TMCO5A: variants seen among roughly 807,000 people sequenced by gnomAD.
The protein encoded by TMCO5A is transmembrane and coiled-coil domain-containing protein 5A.
Under a neutral mutation model 42.3 loss-of-function variants are expected in TMCO5A, and 34 were observed. The observed-to-expected ratio is 0.80, with a 90% CI of 0.61 to 1.07. The LOEUF is 1.07. TMCO5A is among the 50% of genes least tolerant of loss of function. TMCO5A has a pLI of 0.00. For synonymous variants in TMCO5A, 131 were observed against 115.6 expected (o/e 1.13, Z -0.86); for missense variants, 357 against 327.9 (o/e 1.09, Z -0.69).
the TMCO5A span, among the ~76,000 whole-genome samples, chr15:38,022,712 T>C: frequency 7.9e-5 from 12 of 152,202 alleles, no homozygotes; most frequent in South Asian, 2.3e-3. Flanking sequence ...ATGTACCACT[T>C]TGGTGGGAGA....
At chr15:38,033,219 C>G in the TMCO5A span, among the ~76,000 whole-genome samples, 2 of 152,204 alleles carry the variant, frequency 1.3e-5, no homozygotes, top group African/African-American at 4.8e-5. Flanking sequence ...TGCACTCTCT[C>G]TTTCCTTAGG....
chr15:38,031,998 C>G, the TMCO5A span, among the ~76,000 whole-genome samples: 1 of 151,820 alleles, frequency 6.6e-6, no homozygotes, highest in Admixed American at 6.6e-5. Context: ...TTTCGTCGCC[C>G]AGGCTGGAGT....
chr15:37,977,707 C>T, the TMCO5A span, among the ~76,000 whole-genome samples: 5 of 152,206 alleles, frequency 3.3e-5, no homozygotes, highest in Non-Finnish European at 5.9e-5. Context: ...TTGGGGCAAG[C>T]TCAGCCTTTA....
At chr15:37,938,263 G>T in intron 6 of TMCO5A, 34 bp downstream of exon 6, 2 of 1,513,316 alleles carry the variant, frequency 1.3e-6, no homozygotes, top group South Asian at 2.4e-5. Context: ...ATGTGGTTGG[G>T]CTATGTAACC....
At chr15:37,938,385 GC>G (rs1889607062) in intron 6 of TMCO5A, among the ~76,000 whole-genome samples, 156 bp downstream of exon 6, 1 of 151,984 alleles carries the variant, frequency 6.6e-6, no homozygotes, top group Non-Finnish European at 1.5e-5. Flanking sequence ...ATTCTTCTCT[GC>G]CCTTAGGTAA....
the TMCO5A span, chr15:38,025,162 G>T: frequency 0.014 from 2,122 of 147,656 alleles, 134 homozygotes; most frequent in Middle Eastern, 0.06. Flanking sequence ...ACAGCTTTTG[G>T]GTGTGTGTGT....
chr15:38,017,395 T>C, the TMCO5A span, among the ~76,000 whole-genome samples: 4 of 152,092 alleles, frequency 2.6e-5, no homozygotes, highest in African/African-American at 9.6e-5. Flanking sequence ...CTTAGAAATA[T>C]GGCAGGAGCT....
At chr15:37,972,982 ATCT>A in the TMCO5A span, among the ~76,000 whole-genome samples, 1 of 152,108 alleles carries the variant, frequency 6.6e-6, no homozygotes, top group South Asian at 2.1e-4. Flanking sequence ...TTCAGTTTTA[ATCT>A]TCTTCACAGG....
chr15:37,968,512 G>T (rs558468859), downstream of TMCO5A, among the ~76,000 whole-genome samples: 1 of 151,960 alleles, frequency 6.6e-6, no homozygotes, highest in Non-Finnish European at 1.5e-5. Flanking sequence ...TCGTTTCTAC[G>T]GTCAAACCTG....
chr15:37,941,343 A>T, intron 7 of TMCO5A, 138 bp downstream of exon 7: 2 of 854,818 alleles, frequency 2.3e-6, no homozygotes, highest in South Asian at 1.6e-5. Flanking sequence ...AGGGGTAAAG[A>T]AAAGGAAGAT....
chr15:38,025,767 T>C, the TMCO5A span, among the ~76,000 whole-genome samples: 1 of 152,178 alleles, frequency 6.6e-6, no homozygotes, highest in East Asian at 1.9e-4. Context: ...TCTTTAATTA[T>C]ATTCCCATAA....
the TMCO5A span, among the ~76,000 whole-genome samples, chr15:37,972,993 A>G: frequency 6.6e-6 from 1 of 152,208 alleles, no homozygotes; most frequent in Non-Finnish European, 1.5e-5. Flanking sequence ...TCTTCTTCAC[A>G]GGGCTAACCA....
rs553876715 is a variant in TMCO5A, at chr15:37,938,388, C to T, written c.387+159C>T. ...CTGGAGTGCTGAATTCTTCTCTGCCCTTAGGTAAGGAATGTCACTTTTTAG... is the reference window on the plus strand; with the variant it reads ...CTGGAGTGCTGAATTCTTCTCTGCCTTTAGGTAAGGAATGTCACTTTTTAG... On this transcript the variant is annotated intron_variant, in intron 6 of 11. Transcript: ENST00000319669. Among the ~76,000 whole-genome samples, 8 of 152,100 alleles carry T rather than the reference C, an allele frequency of 5.3e-5. No individual in the cohort carries two copies. In the East Asian group the frequency reaches 1.6e-3, roughly 30 times the overall value.
chr15:38,013,673 C>A, the TMCO5A span, among the ~76,000 whole-genome samples: 3 of 152,184 alleles, frequency 2.0e-5, no homozygotes, highest in South Asian at 6.2e-4. Flanking sequence ...ACCCAATGAG[C>A]CACTCTATTA....
the TMCO5A span, among the ~76,000 whole-genome samples, chr15:37,986,115 A>G: frequency 9.9e-5 from 15 of 152,216 alleles, no homozygotes; most frequent in South Asian, 3.1e-3. Flanking sequence ...GAATCATAGA[A>G]ACTTGGGTTT....
At chr15:37,963,925 T>G (rs558345488) in intron 11 of TMCO5A, among the ~76,000 whole-genome samples, 1 of 152,326 alleles carries the variant, frequency 6.6e-6, no homozygotes, top group East Asian at 1.9e-4. Context: ...TGGATTTCCT[T>G]GCATTGGGCT....
At chr15:37,960,637 A>G (rs1276403739) in intron 11 of TMCO5A, among the ~76,000 whole-genome samples, 1 of 152,148 alleles carries the variant, frequency 6.6e-6, no homozygotes, top group Non-Finnish European at 1.5e-5. Context: ...ACTAGTTTAC[A>G]TTCCAACCAG....
At chr15:37,980,435 G>A in the TMCO5A span, among the ~76,000 whole-genome samples, 1 of 152,056 alleles carries the variant, frequency 6.6e-6, no homozygotes, top group Non-Finnish European at 1.5e-5. Context: ...AGCCTCTCCC[G>A]GCTCCCTGCC....
the TMCO5A span, among the ~76,000 whole-genome samples, chr15:38,002,609 T>C: frequency 2.0e-5 from 3 of 152,154 alleles, no homozygotes; most frequent in Non-Finnish European, 4.4e-5. Flanking sequence ...CTAATTCTTC[T>C]GCTTGATCAA....
Sources: gnomAD v4.1 joint callset for allele counts (sites outside exome capture counted in the v4.1 genomes callset) on GRCh38, gnomAD v4.1.1 for gene constraint, MANE v1.5 for transcripts, NCBI Gene and HGNC (gene_info 2026-07-23, HGNC 2026-07-21) for gene names.